Variants in SLC22A23 observed in about 807,000 individuals in gnomAD.
The protein encoded by SLC22A23 is ion transporter protein.
In SLC22A23, 26 loss-of-function variants were observed where a neutral mutation model predicts 61.0. The ratio of observed to expected loss-of-function variants is 0.43; its 90% CI spans 0.31 to 0.59. The LOEUF is 0.59. Ranked by LOEUF, SLC22A23 falls within the 20% of genes least tolerant of loss-of-function variation. The pLI is 0.11. For synonymous variants in SLC22A23, 430 were observed against 413.9 expected, an observed-to-expected ratio of 1.04 and a Z score of -0.47; for missense variants, 796 against 934.7, an observed-to-expected ratio of 0.85 and a Z score of 1.94.
Position 3,330,771 on chromosome 6 carries a change from G to A in SLC22A23, c.914-6769C>T, listed in dbSNP as rs1763539446. On this transcript the variant is annotated intron_variant, in intron 3 of 9. Transcript: ENST00000406686. This position sits in a 1 kb window ranked among gnomAD's most constrained non-coding sequence, Gnocchi z 4.7. ...CCTCTTTCCTCTTAACTTAGGATCT[G>A]CCAACCCAAAGTAATGGTCAGAAGA... is the stretch of plus-strand genomic sequence containing the variant. Among the ~76,000 whole-genome samples the A allele has an allele frequency of 6.6e-6, 1 of 152,186 alleles. No individual in the cohort carries two copies.
intron 3 of SLC22A23, among the ~76,000 whole-genome samples, chr6:3,349,055 T>C (rs1310781260): frequency 2.6e-5 from 4 of 152,204 alleles, no homozygotes; most frequent in Admixed American, 2.6e-4. Context: ...CTGAGCAGGA[T>C]GACAAGGAAG....
intron 3 of SLC22A23, among the ~76,000 whole-genome samples, chr6:3,361,317 G>A (rs1271423502): frequency 2.1e-5 from 3 of 144,658 alleles, no homozygotes; most frequent in African/African-American, 7.8e-5. Flanking sequence ...TTTTTTTAAG[G>A]AATTGGGTCC....
chr6:3,401,107 C>T (rs542594837), intron 3 of SLC22A23, among the ~76,000 whole-genome samples: 11 of 152,316 alleles, frequency 7.2e-5, no homozygotes, highest in East Asian at 1.9e-4. Context: ...TTCGGGAGGC[C>T]GAGGTGGGTG....
chr6:3,290,110 CA>C, intron 5 of SLC22A23: 1 of 558,532 alleles, frequency 1.8e-6, no homozygotes, highest in South Asian at 2.1e-5. Flanking sequence ...GGTGCACCGT[CA>C]GCAGAAGTTT....
chr6:3,438,222 C>A (rs1771351695), intron 1 of SLC22A23, among the ~76,000 whole-genome samples: 1 of 152,206 alleles, frequency 6.6e-6, no homozygotes, highest in South Asian at 2.1e-4. Flanking sequence ...GAGAGTGAGA[C>A]AAGGCAGACA....
At chr6:3,361,499 T>TG (rs1247252988) in intron 3 of SLC22A23, among the ~76,000 whole-genome samples, 5 of 152,144 alleles carry the variant, frequency 3.3e-5, no homozygotes, top group Non-Finnish European at 7.4e-5. Context: ...CCACAAAGAC[T>TG]GGGGTCCCAG....
chr6:3,392,446 A>G (rs1767725433), intron 3 of SLC22A23, among the ~76,000 whole-genome samples: 1 of 152,200 alleles, frequency 6.6e-6, no homozygotes, highest in African/African-American at 2.4e-5. Context: ...GATGCAGGAG[A>G]GTAGAAGCTC....
At chr6:3,396,868 C>A (rs1372020824) in intron 3 of SLC22A23, among the ~76,000 whole-genome samples, 8 of 152,198 alleles carry the variant, frequency 5.3e-5, no homozygotes, top group African/African-American at 1.7e-4. Context: ...TTCTCCAAAC[C>A]CAGGTTGATC....
intron 8 of SLC22A23, chr6:3,284,832 A>G: frequency 1.4e-6 from 2 of 1,382,382 alleles, no homozygotes; most frequent in Non-Finnish European, 2.0e-6. Flanking sequence ...TGCCAGGGGA[A>G]GGGGCGGGGG....
intron 3 of SLC22A23, among the ~76,000 whole-genome samples, chr6:3,391,976 A>G (rs116753401): frequency 0.011 from 1,602 of 152,200 alleles, 35 homozygotes; most frequent in African/African-American, 0.037. Context: ...TCAAAGGGCC[A>G]AACCATGCAA....
chr6:3,412,288 A>G (rs1435074418), intron 2 of SLC22A23, among the ~76,000 whole-genome samples: 1 of 152,230 alleles, frequency 6.6e-6, no homozygotes, highest in Non-Finnish European at 1.5e-5. Flanking sequence ...CAGGGCAAAC[A>G]CTGTCTTTGA....
At chr6:3,440,099 T>C (rs1771492797) in intron 1 of SLC22A23, among the ~76,000 whole-genome samples, 1 of 151,996 alleles carries the variant, frequency 6.6e-6, no homozygotes, top group South Asian at 2.1e-4. Context: ...CACTGGGATT[T>C]AGGGAAAAGG....
intron 4 of SLC22A23, among the ~76,000 whole-genome samples, chr6:3,314,355 G>A (rs1762519263): frequency 6.6e-6 from 1 of 152,180 alleles, no homozygotes. Flanking sequence ...GCAGGAGGTG[G>A]TAGTCCCTGT....
chr6:3,371,848 A>C (rs142191904), intron 3 of SLC22A23, among the ~76,000 whole-genome samples: 43 of 152,290 alleles, frequency 2.8e-4, no homozygotes, highest in Middle Eastern at 3.4e-3. Context: ...ATCGATTTTA[A>C]GATGCACCAT....
Position 3,272,243 on chromosome 6 carries a change from C to G in SLC22A23, c.*812G>C, listed in dbSNP as rs935590513. The G allele has an allele frequency of 1.3e-5, 2 of 152,676 alleles. No homozygotes were observed. Among genetic ancestry groups the G allele is most frequent in the African/African-American group, 4.8e-5 (2 of 41,426 alleles). The allele number at this position is 152,676 out of a possible 1,614,324, so 9.5% of individuals were successfully genotyped here. ...TGCCTGTGCACGAGGGACTTTTCTGCTGGAGCCAATCTGGGAGAGGAGGAA... is the reference window on the plus strand; with the variant it reads ...TGCCTGTGCACGAGGGACTTTTCTGGTGGAGCCAATCTGGGAGAGGAGGAA... On this transcript the variant is annotated 3_prime_UTR_variant, in exon 10 of 10. Transcript: ENST00000406686.
rs749487005 is a variant in SLC22A23, at chr6:3,273,418, G to A, written c.1704-6C>T. The A allele has an allele frequency of 6.2e-7, 1 of 1,611,802 alleles. No individual in the cohort carries two copies. ...CCAGCCCCAGCCCGCCACACCTGCAGGGGGAGGGAAGCACAGGGATTGCTG... is the reference window on the plus strand; with the variant it reads ...CCAGCCCCAGCCCGCCACACCTGCAAGGGGAGGGAAGCACAGGGATTGCTG... On this transcript the variant is annotated splice_region_variant and splice_polypyrimidine_tract_variant and intron_variant, in intron 9 of 9. Transcript: ENST00000406686.
intron 3 of SLC22A23, among the ~76,000 whole-genome samples, chr6:3,357,021 G>C (rs1385247171): frequency 3.0e-5 from 3 of 101,476 alleles, no homozygotes; most frequent in Non-Finnish European, 5.5e-5. Flanking sequence ...AGTAAACCTA[G>C]CAATACAGCC....
chr6:3,449,553 A>G (rs1238967676), intron 1 of SLC22A23, among the ~76,000 whole-genome samples: 1 of 152,234 alleles, frequency 6.6e-6, no homozygotes, highest in East Asian at 1.9e-4. Flanking sequence ...GGATGGCTCA[A>G]AAACTTTCAA....
intron 1 of SLC22A23, among the ~76,000 whole-genome samples, chr6:3,434,895 A>G (rs1771107853): frequency 6.6e-6 from 1 of 152,194 alleles, no homozygotes; most frequent in Non-Finnish European, 1.5e-5. Context: ...CACAGATGCT[A>G]TGTCAAGGCC....
Sources: gnomAD v4.1 joint callset for allele counts (sites outside exome capture counted in the v4.1 genomes callset) on GRCh38, gnomAD v4.1.1 for gene constraint, Gnocchi (gnomAD v3.1) non-coding constraint, MANE v1.5 for transcripts, NCBI Gene and HGNC (gene_info 2026-07-23, HGNC 2026-07-21) for gene names.